The following SMR3B variants were observed in gnomAD, a reference collection of about 807,000 sequenced individuals.
SMR3B encodes the protein submaxillary gland androgen-regulated protein 3B.
For synonymous variants in SMR3B, 42 were observed against 36.1 expected, an observed-to-expected ratio of 1.16 and a Z score of -0.59; for missense variants, 114 against 99.9, an observed-to-expected ratio of 1.14 and a Z score of -0.60.
At chr4:70,383,606 T>C (rs1365069332) in intron 1 of SMR3B, among the ~76,000 whole-genome samples, 1 of 152,140 alleles carries the variant, frequency 6.6e-6, no homozygotes, top group Admixed American at 6.5e-5. Context: ...AATTTAAGAA[T>C]GGATATAGGA....
intron 1 of SMR3B, among the ~76,000 whole-genome samples, chr4:70,383,707 T>C (rs1342156050): frequency 6.6e-6 from 1 of 152,184 alleles, no homozygotes; most frequent in Non-Finnish European, 1.5e-5. Context: ...AAGACTTGCA[T>C]TGCTCAGACC....
intron 2 of SMR3B, among the ~76,000 whole-genome samples, chr4:70,388,290 T>G (rs541842244): frequency 6.6e-6 from 1 of 152,270 alleles, no homozygotes; most frequent in South Asian, 2.1e-4. Context: ...TTTTATTTTT[T>G]AAAATAGAGA....
intron 1 of SMR3B, among the ~76,000 whole-genome samples, 165 bp downstream of exon 1, chr4:70,383,377 A>T (rs954208459): frequency 2.0e-5 from 3 of 152,098 alleles, no homozygotes; most frequent in Non-Finnish European, 2.9e-5. Context: ...AAATGCAATA[A>T]ATTTTGAAAA....
intron 1 of SMR3B, among the ~76,000 whole-genome samples, chr4:70,384,015 C>CTTTT (rs142616803): frequency 6.7e-6 from 1 of 149,214 alleles, no homozygotes; most frequent in African/African-American, 2.5e-5. Context: ...AGGGTGATTC[C>CTTTT]TTTTTTTTTT....
At chr4:70,383,444 G>A (rs1732593145) in intron 1 of SMR3B, among the ~76,000 whole-genome samples, 1 of 152,022 alleles carries the variant, frequency 6.6e-6, no homozygotes, top group Non-Finnish European at 1.5e-5. Context: ...GGGCCAATCG[G>A]TCCATCCAAG....
rs1291368077 is a variant in SMR3B, at chr4:70,383,179, A to G, written c.-48A>G. ...TGGCAAGAGTCATTTTGACCAGCAG[A>G]TTAATCAACTGTAAGACAGATCCTC... is the stretch of plus-strand genomic sequence containing the variant. On this transcript the variant is annotated 5_prime_UTR_variant, in exon 1 of 3. Transcript: ENST00000304915. 1 of 152,144 alleles carries G rather than the reference A, an allele frequency of 6.6e-6. No individual in the cohort carries two copies. The highest frequency in any genetic ancestry group is 6.5e-5 in the Admixed American group (1 of 15,276). The allele number at this position is 152,144 out of a possible 1,614,324, so 9.4% of individuals were successfully genotyped here. A position where few individuals can be genotyped will look rare whatever the true frequency, so the allele number is the denominator to read the frequency against.
At chr4:70,387,806 T>A (rs1188417670) in intron 2 of SMR3B, among the ~76,000 whole-genome samples, 1 of 152,092 alleles carries the variant, frequency 6.6e-6, no homozygotes, top group Non-Finnish European at 1.5e-5. Context: ...GAAGAGATAA[T>A]CTAAGATAAG....
At chr4:70,385,457 A>G (rs986383607) in intron 2 of SMR3B, among the ~76,000 whole-genome samples, 3 of 138,970 alleles carry the variant, frequency 2.2e-5, no homozygotes, top group Admixed American at 7.7e-5. Flanking sequence ...AGGCTGGAGT[A>G]CAGTGGCGCG....
chr4:70,385,597 G>A (rs987541486), intron 2 of SMR3B, among the ~76,000 whole-genome samples: 2 of 151,382 alleles, frequency 1.3e-5, no homozygotes, highest in South Asian at 2.1e-4. Context: ...GTAGAGACGG[G>A]GTTTCACCGT....
rs758757744 is a variant in SMR3B, at chr4:70,390,045, C to T, written c.*197C>T. 2 of 1,064,826 alleles carry T rather than the reference C, an allele frequency of 1.9e-6. No homozygotes were observed. The highest frequency in any genetic ancestry group is 1.5e-6 in the Non-Finnish European group (1 of 685,282). 66.0% of individuals were successfully genotyped at this position (1,064,826 alleles called of 1,614,324 possible). ...GACACCACTACCCTTGTAACTACTG[C>T]TTCTACTACCCAAAATATGAATTCC... On this transcript the variant is annotated 3_prime_UTR_variant, in exon 3 of 3. Coordinates refer to ENST00000304915, the MANE Select transcript of SMR3B (RefSeq NM_006685.4).
In SMR3B at chr4:70,389,726, C is replaced by T. The variant is rs1577877773; in HGVS notation, c.118C>T (p.Pro40Ser). ...ACCTGGACCGCTGGCTCCTCCTCAACCTTTTGGCCCAGGATTTGTTCCACC... is the reference window on the plus strand; with the variant it reads ...ACCTGGACCGCTGGCTCCTCCTCAATCTTTTGGCCCAGGATTTGTTCCACC... Reference protein sequence around the residue: ...YPPGPLAPPQPFGPGFVPPPP... With the variant: ...YPPGPLAPPQSFGPGFVPPPP... The change falls in exon 3 of 3, where the codon CCT becomes TCT. Residue 40 changes from proline to serine, a missense_variant. Pro to Ser is a moderately conservative substitution (Grantham distance 74). Coordinates refer to ENST00000304915, the MANE Select transcript of SMR3B (RefSeq NM_006685.4). 1 of 1,614,142 alleles carries T rather than the reference C, an allele frequency of 6.2e-7. No homozygotes were observed. Among genetic ancestry groups the T allele is most frequent in the Non-Finnish European group, 8.5e-7 (1 of 1,180,036 alleles).
intron 2 of SMR3B, among the ~76,000 whole-genome samples, chr4:70,387,589 G>T (rs1732688402): frequency 6.6e-6 from 1 of 152,120 alleles, no homozygotes; most frequent in Non-Finnish European, 1.5e-5. Flanking sequence ...GAAGACACTT[G>T]TAAAGAAACA....
intron 1 of SMR3B, 128 bp from the exon 2 acceptor site, chr4:70,384,369 T>C: frequency 1.6e-5 from 24 of 1,466,510 alleles, no homozygotes; most frequent in Non-Finnish European, 2.2e-5. Flanking sequence ...AAAATAACAT[T>C]AGGCAAATTC....
chr4:70,384,243 A>C (rs1732615721), intron 1 of SMR3B, among the ~76,000 whole-genome samples: 1 of 152,076 alleles, frequency 6.6e-6, no homozygotes, highest in Non-Finnish European at 1.5e-5. Flanking sequence ...TGTATGAACA[A>C]CTCTTTGGCA....
At chr4:70,384,834 A>G (rs927054333) in intron 2 of SMR3B, 5 of 405,024 alleles carry the variant, frequency 1.2e-5, no homozygotes, top group African/African-American at 1.0e-4. Flanking sequence ...TACTCTAGTC[A>G]GTTACACAGT....
chr4:70,385,840 A>T (rs1380884707), intron 2 of SMR3B, among the ~76,000 whole-genome samples: 1 of 152,188 alleles, frequency 6.6e-6, no homozygotes, highest in Non-Finnish European at 1.5e-5. Flanking sequence ...TATATTTTAA[A>T]GGTAATATCT....
intron 1 of SMR3B, among the ~76,000 whole-genome samples, chr4:70,383,712 C>T (rs961618290): frequency 1.3e-5 from 2 of 152,130 alleles, no homozygotes; most frequent in African/African-American, 4.8e-5. Context: ...TTGCATTGCT[C>T]AGACCACACA....
intron 2 of SMR3B, chr4:70,385,164 G>T (rs760853564): frequency 6.6e-6 from 1 of 152,042 alleles, no homozygotes; most frequent in Non-Finnish European, 1.5e-5. Flanking sequence ...TAAAACACAC[G>T]TATTTCAAAG....
chr4:70,385,406 T>G (rs1402967408), intron 2 of SMR3B, among the ~76,000 whole-genome samples: 1 of 134,298 alleles, frequency 7.4e-6, no homozygotes, highest in African/African-American at 3.0e-5. Flanking sequence ...TTGTTTTTTT[T>G]TTTTTTTTTT....
Sources: gnomAD v4.1 joint callset for allele counts (sites outside exome capture counted in the v4.1 genomes callset) on GRCh38, gnomAD v4.1.1 for gene constraint, MANE v1.5 for transcripts, NCBI Gene and HGNC (gene_info 2026-07-23, HGNC 2026-07-21) for gene names.